Variants in TAFA1 observed in about 807,000 individuals in gnomAD.
The protein encoded by TAFA1 is chemokine-like protein TAFA-1.
A neutral mutation model predicts 18.5 loss-of-function variants in TAFA1; 4 were observed. The ratio of observed to expected loss-of-function variants is 0.22; its 90% confidence interval spans 0.11 to 0.49. The LOEUF (loss-of-function observed/expected upper bound fraction) is 0.49. Ranked by LOEUF, TAFA1 falls within the 20% of genes least tolerant of loss-of-function variation. The pLI, the probability that TAFA1 is intolerant of heterozygous loss-of-function variation, is 0.98. For synonymous variants in TAFA1, 56 were observed against 55.2 expected (o/e 1.01, Z -0.06); for missense variants, 147 against 169.0 (o/e 0.87, Z 0.72).
At position 68,079,278 on chromosome 3, in the gene TAFA1, G is replaced by C. The variant is rs575530423; in HGVS notation, c.118+72534G>C. On this transcript the variant is annotated intron_variant, in intron 2 of 4. Transcript: ENST00000478136. Reference sequence around the variant, plus strand: ...CAAAAAACCAGCTCCTGGATTCATTGATTTTTTGAAGGGTTTTTTGTGTCT... The same window carrying C: ...CAAAAAACCAGCTCCTGGATTCATTCATTTTTTGAAGGGTTTTTTGTGTCT... Among the ~76,000 whole-genome samples, 19 of 152,112 alleles carry C rather than the reference G, an allele frequency of 1.2e-4. No homozygotes were observed. In the East Asian group the frequency reaches 3.3e-3, roughly 26 times the overall value.
At chr3:68,209,748 A>G (rs2066572710) in intron 2 of TAFA1, among the ~76,000 whole-genome samples, 1 of 151,982 alleles carries the variant, frequency 6.6e-6, no homozygotes, top group South Asian at 2.1e-4. Context: ...TATATTGTTC[A>G]TGTTTGCTGT....
At chr3:68,269,644 A>G (rs778652211) in intron 2 of TAFA1, among the ~76,000 whole-genome samples, 1 of 151,758 alleles carries the variant, frequency 6.6e-6, no homozygotes, top group Non-Finnish European at 1.5e-5. Flanking sequence ...ACTTTTGGCC[A>G]GGAGTGATGG....
At chr3:68,515,570 A>G (rs576326192) in intron 3 of TAFA1, among the ~76,000 whole-genome samples, 1 of 152,342 alleles carries the variant, frequency 6.6e-6, no homozygotes, top group Non-Finnish European at 1.5e-5. Flanking sequence ...CTAGGTATGT[A>G]GAAATAAGAG....
intron 3 of TAFA1, among the ~76,000 whole-genome samples, chr3:68,421,279 A>G (rs1187169130): frequency 6.6e-6 from 1 of 152,166 alleles, no homozygotes; most frequent in Non-Finnish European, 1.5e-5. Context: ...ATTCCAGGCA[A>G]AAGTCAATAA....
At chr3:68,335,471 T>C (rs757661076) in intron 2 of TAFA1, among the ~76,000 whole-genome samples, 9 of 152,194 alleles carry the variant, frequency 5.9e-5, no homozygotes, top group Non-Finnish European at 1.2e-4. Context: ...TGATCTTACA[T>C]AGAACTTTAT....
chr3:68,420,592 G>A (rs1248551792), intron 3 of TAFA1, among the ~76,000 whole-genome samples: 1 of 152,070 alleles, frequency 6.6e-6, no homozygotes, highest in Non-Finnish European at 1.5e-5. Flanking sequence ...CTCAACTGGG[G>A]CAATTTCTCC....
intron 3 of TAFA1, among the ~76,000 whole-genome samples, chr3:68,446,745 T>C (rs945072786): frequency 4.6e-5 from 7 of 152,212 alleles, no homozygotes; most frequent in Non-Finnish European, 1.0e-4. Context: ...AATTGTTCAC[T>C]GCATGTCCAG....
intron 3 of TAFA1, among the ~76,000 whole-genome samples, chr3:68,515,899 C>A (rs2072913436): frequency 6.6e-6 from 1 of 152,188 alleles, no homozygotes; most frequent in African/African-American, 2.4e-5. Context: ...GAAATTAGCA[C>A]CCCCTCTTAG....
At chr3:68,151,753 G>A (rs1273026602) in intron 2 of TAFA1, among the ~76,000 whole-genome samples, 1 of 152,144 alleles carries the variant, frequency 6.6e-6, no homozygotes, top group Non-Finnish European at 1.5e-5. Context: ...CAACACCGTT[G>A]CATTAGGGAT....
intron 2 of TAFA1, among the ~76,000 whole-genome samples, chr3:68,135,919 G>A (rs1436181681): frequency 6.6e-6 from 1 of 152,044 alleles, no homozygotes; most frequent in African/African-American, 2.4e-5. Context: ...CATTAAAACC[G>A]GGGAAATTTT....
chr3:68,020,785 G>T (rs576030292), intron 2 of TAFA1, among the ~76,000 whole-genome samples: 1 of 152,144 alleles, frequency 6.6e-6, no homozygotes, highest in East Asian at 1.9e-4. Context: ...CATAATAGTT[G>T]GCCACATGTT....
At chr3:68,085,525 A>C (rs577360389) in intron 2 of TAFA1, among the ~76,000 whole-genome samples, 8 of 152,332 alleles carry the variant, frequency 5.3e-5, no homozygotes, top group Admixed American at 4.6e-4. Context: ...TGTAATATCA[A>C]ACATGACAGA....
At chr3:68,031,162 GGAAGA>G (rs1704927164) in intron 2 of TAFA1, among the ~76,000 whole-genome samples, 1 of 152,110 alleles carries the variant, frequency 6.6e-6, no homozygotes, top group African/African-American at 2.4e-5. Flanking sequence ...AAATCCTTAT[GGAAGA>G]GAAGAGACCT....
At chr3:68,264,049 T>G (rs1383708261) in intron 2 of TAFA1, among the ~76,000 whole-genome samples, 1 of 152,070 alleles carries the variant, frequency 6.6e-6, no homozygotes, top group African/African-American at 2.4e-5. Context: ...CCCAGCACTT[T>G]GGGAAGCCGA....
chr3:68,432,446 A>G (rs1260655525), intron 3 of TAFA1, among the ~76,000 whole-genome samples: 1 of 152,032 alleles, frequency 6.6e-6, no homozygotes, highest in Non-Finnish European at 1.5e-5. Context: ...TTAAATTTAT[A>G]TTTTCATTAA....
At chr3:68,415,968 G>A (rs1001818751) in intron 2 of TAFA1, among the ~76,000 whole-genome samples, 2 of 152,090 alleles carry the variant, frequency 1.3e-5, no homozygotes, top group Admixed American at 6.5e-5. Context: ...TCACAATATC[G>A]ATCTTTTGAG....
intron 2 of TAFA1, among the ~76,000 whole-genome samples, chr3:68,411,125 G>A (rs1239822566): frequency 6.6e-6 from 1 of 152,060 alleles, no homozygotes; most frequent in Non-Finnish European, 1.5e-5. Flanking sequence ...TTTGTCTGAG[G>A]GAGTCTTGAA....
At chr3:68,076,879 C>T (rs1221985964) in intron 2 of TAFA1, among the ~76,000 whole-genome samples, 4 of 152,194 alleles carry the variant, frequency 2.6e-5, no homozygotes, top group African/African-American at 9.6e-5. Flanking sequence ...CGAGGAATCG[C>T]CACACTGACT....
intron 2 of TAFA1, among the ~76,000 whole-genome samples, chr3:68,388,146 A>G (rs2070144087): frequency 1.3e-5 from 2 of 152,204 alleles, no homozygotes; most frequent in South Asian, 2.1e-4. Context: ...AATTAGGGTC[A>G]GAGAAATCGT....
Sources: gnomAD v4.1 joint callset for allele counts (sites outside exome capture counted in the v4.1 genomes callset) on GRCh38, gnomAD v4.1.1 for gene constraint, MANE v1.5 for transcripts, NCBI Gene and HGNC (gene_info 2026-07-23, HGNC 2026-07-21) for gene names.